Variants in ZMYND11 observed in about 807,000 individuals in gnomAD.
ZMYND11 encodes zinc finger MYND-type containing 11, also known as zinc finger MYND domain-containing protein 11.
In ZMYND11, 9 loss-of-function variants were observed where a neutral mutation model predicts 84.9. The ratio of observed to expected loss-of-function variants is 0.11; its 90% confidence interval spans 0.06 to 0.18. The LOEUF (loss-of-function observed/expected upper bound fraction) is 0.18, where lower values mean the gene tolerates loss of function less well. Among genes scored for constraint, ZMYND11 ranks in the 10% least tolerant of loss-of-function variants. The probability of loss-of-function intolerance (pLI) is 1.00; values close to 1 mark genes in which losing one functional copy is unlikely to be tolerated. For missense variants in ZMYND11, 409 were observed against 761.0 expected, an observed-to-expected ratio of 0.54 and a Z score of 5.44; for synonymous variants, 250 against 244.1, an observed-to-expected ratio of 1.02 and a Z score of -0.23.
intron 11 of ZMYND11, 55 bp from the exon 12 acceptor site, chr10:247,343 C>T: frequency 6.3e-7 from 1 of 1,586,098 alleles, no homozygotes; most frequent in Non-Finnish European, 8.6e-7. Flanking sequence ...GTGTTTTCAG[C>T]AGAGAAGTAT....
At chr10:217,830 A>C (rs1946453418) in intron 3 of ZMYND11, among the ~76,000 whole-genome samples, 1 of 152,208 alleles carries the variant, frequency 6.6e-6, no homozygotes, top group Non-Finnish European at 1.5e-5. Flanking sequence ...ATTCTGCCTG[A>C]GATTATACAG....
intron 9 of ZMYND11, among the ~76,000 whole-genome samples, chr10:241,555 G>GTAGCTGT (rs1950936152): frequency 6.6e-6 from 1 of 152,208 alleles, no homozygotes. Context: ...GCCTTTGTCT[G>GTAGCTGT]TAGCTGTATA....
At chr10:193,049 T>C (rs1237527430) in intron 2 of ZMYND11, among the ~76,000 whole-genome samples, 2 of 152,248 alleles carry the variant, frequency 1.3e-5, no homozygotes, top group East Asian at 1.9e-4. Flanking sequence ...GAAATGATTG[T>C]ATTCAATCTC....
chr10:191,276 C>G (rs1940311666), intron 2 of ZMYND11, among the ~76,000 whole-genome samples: 1 of 152,158 alleles, frequency 6.6e-6, no homozygotes, highest in Non-Finnish European at 1.5e-5. Context: ...TCATATAGAT[C>G]CATCTGATAT....
chr10:133,755 C>T (rs1214207565), upstream of ZMYND11, among the ~76,000 whole-genome samples: 1 of 152,184 alleles, frequency 6.6e-6, no homozygotes, highest in African/African-American at 2.4e-5. Flanking sequence ...TTTCTTCTGA[C>T]ACGTTTTAAC....
At chr10:233,082 G>T (rs1381006506) in intron 4 of ZMYND11, among the ~76,000 whole-genome samples, 3 of 152,192 alleles carry the variant, frequency 2.0e-5, no homozygotes, top group African/African-American at 7.2e-5. Context: ...TAGGAAGTTG[G>T]TGCAGTGCTC....
At chr10:229,922 A>C (rs1948715171) in intron 4 of ZMYND11, among the ~76,000 whole-genome samples, 1 of 152,206 alleles carries the variant, frequency 6.6e-6, no homozygotes, top group Admixed American at 6.5e-5. Flanking sequence ...GTAACAACAT[A>C]GAATCAAAAT....
At chr10:133,407 G>C (rs1485355123), upstream of ZMYND11, among the ~76,000 whole-genome samples, 2 of 152,112 alleles carry the variant, frequency 1.3e-5, no homozygotes, top group East Asian at 3.8e-4. Context: ...AGAGCCAAGG[G>C]TTAAATTCTA....
At chr10:251,567 T>TA (rs1037986388) in intron 14 of ZMYND11, among the ~76,000 whole-genome samples, 2 of 152,200 alleles carry the variant, frequency 1.3e-5, no homozygotes, top group Non-Finnish European at 2.9e-5. Flanking sequence ...TGTCAAGTGT[T>TA]TGTTTACATC....
At chr10:134,217 A>C (rs1426359811), upstream of ZMYND11, among the ~76,000 whole-genome samples, 3 of 152,216 alleles carry the variant, frequency 2.0e-5, no homozygotes, top group African/African-American at 7.2e-5. Context: ...AACAATTATA[A>C]CACTATACTG....
intron 1 of ZMYND11, among the ~76,000 whole-genome samples, chr10:139,642 A>AT (rs1836999580): frequency 6.7e-6 from 1 of 150,348 alleles, no homozygotes; most frequent in Admixed American, 6.6e-5. Flanking sequence ...TGTCTACTGT[A>AT]TATCAGCCAC....
chr10:241,853 C>T (rs1037462752), intron 9 of ZMYND11, among the ~76,000 whole-genome samples, 168 bp from the exon 10 acceptor site: 2 of 151,908 alleles, frequency 1.3e-5, no homozygotes, highest in Non-Finnish European at 1.5e-5. Flanking sequence ...CACTCTGATG[C>T]AAATATAAAA....
intron 1 of ZMYND11, among the ~76,000 whole-genome samples, chr10:139,504 G>C (rs1836948252): frequency 6.6e-6 from 1 of 152,168 alleles, no homozygotes; most frequent in Non-Finnish European, 1.5e-5. Flanking sequence ...GCAGATGTTA[G>C]TGACCTGGAG....
intron 9 of ZMYND11, among the ~76,000 whole-genome samples, chr10:241,810 C>T (rs751566830): frequency 1.3e-5 from 2 of 152,028 alleles, no homozygotes; most frequent in Admixed American, 1.3e-4. Flanking sequence ...TGCTCCAGTC[C>T]CGACCTCTTC....
intron 2 of ZMYND11, among the ~76,000 whole-genome samples, chr10:198,557 G>A (rs918113694): frequency 3.9e-5 from 6 of 152,058 alleles, no homozygotes; most frequent in Admixed American, 6.5e-5. Context: ...TGATTAAATA[G>A]AAATTATGAA....
At chr10:149,285 G>A (rs995042720) in intron 1 of ZMYND11, among the ~76,000 whole-genome samples, 84 of 139,314 alleles carry the variant, frequency 6.0e-4, no homozygotes, top group South Asian at 1.5e-3. Flanking sequence ...TGAGGTGGTT[G>A]TTATTATTAT....
chr10:176,131 C>T (rs1279959072), intron 1 of ZMYND11, among the ~76,000 whole-genome samples: 1 of 152,018 alleles, frequency 6.6e-6, no homozygotes, highest in Admixed American at 6.6e-5. Flanking sequence ...TTGCCCTCAC[C>T]CCAGTTTGTG....
chr10:160,337 T>C (rs1027579789), intron 1 of ZMYND11, among the ~76,000 whole-genome samples: 1 of 152,254 alleles, frequency 6.6e-6, no homozygotes, highest in Admixed American at 6.5e-5. Context: ...ACTTTATTGC[T>C]AAAAATGTTA....
At chr10:209,071 G>A (rs1468903917) in intron 2 of ZMYND11, among the ~76,000 whole-genome samples, 2 of 151,826 alleles carry the variant, frequency 1.3e-5, no homozygotes, top group Non-Finnish European at 2.9e-5. Context: ...AGAGATCAGC[G>A]TTGAGGTTTG....
Sources: allele counts gnomAD v4.1 joint callset (sites outside exome capture counted in the v4.1 genomes callset), GRCh38; gene constraint gnomAD v4.1.1; transcripts MANE v1.5; gene names NCBI Gene and HGNC (gene_info 2026-07-23, HGNC 2026-07-21).